EYA2: variants seen among roughly 807,000 people sequenced by gnomAD.
EYA2 encodes protein phosphatase EYA2.
In EYA2, 31 loss-of-function variants were observed where a neutral mutation model predicts 69.2. That is an observed-to-expected ratio of 0.45 (90% CI 0.34 to 0.60). The LOEUF (loss-of-function observed/expected upper bound fraction) is 0.60, where lower values mean the gene tolerates loss of function less well. Ranked by LOEUF, EYA2 falls within the 20% of genes least tolerant of loss-of-function variation. EYA2 has a pLI of 0.02. For missense variants in EYA2, 622 were observed against 701.2 expected, an observed-to-expected ratio of 0.89 and a Z score of 1.28; for synonymous variants, 257 against 279.4, an observed-to-expected ratio of 0.92 and a Z score of 0.80.
rs193224504 is a variant in EYA2, at chr20:47,012,784, G to A, written c.299-3397G>A. ...GCTGGGATTACAGGCGTGAGCCACC[G>A]TACTGGGCCAAATTAAAATGTTTTA... On this transcript the variant is annotated intron_variant, in intron 4 of 15. Transcript: ENST00000327619. Among the ~76,000 whole-genome samples the A allele has an allele frequency of 7.9e-5, 12 of 152,274 alleles. No individual in the cohort carries two copies. The East Asian group carries it at 9.7e-4, about 12-fold the overall frequency.
intron 9 of EYA2, among the ~76,000 whole-genome samples, chr20:47,126,243 A>G (rs2033188583): frequency 1.3e-5 from 2 of 152,340 alleles, no homozygotes; most frequent in Non-Finnish European, 2.9e-5. Context: ...GGGGCAGCCC[A>G]GTGCAAATGC....
intron 10 of EYA2, among the ~76,000 whole-genome samples, chr20:47,152,290 C>T (rs149231370): frequency 7.9e-5 from 12 of 152,052 alleles, no homozygotes; most frequent in East Asian, 2.0e-4. Context: ...TATTCCTCCA[C>T]GCTGTACACA....
intron 5 of EYA2, among the ~76,000 whole-genome samples, chr20:47,051,364 C>G (rs1204440666): frequency 6.6e-6 from 1 of 152,168 alleles, no homozygotes; most frequent in East Asian, 1.9e-4. Flanking sequence ...GGATTTTTAG[C>G]TGGGTTAAGT....
intron 1 of EYA2, among the ~76,000 whole-genome samples, chr20:46,947,089 A>G (rs1978503906): frequency 6.6e-6 from 1 of 152,142 alleles, no homozygotes; most frequent in African/African-American, 2.4e-5. Context: ...AGCCTAAAAT[A>G]TTTCCCATCT....
rs1240478022 is a variant in EYA2, at chr20:47,001,348, A to G, written c.110-80A>G. The G allele has an allele frequency of 4.9e-6, 6 of 1,226,488 alleles. No homozygotes were observed. The African/African-American group carries it at 7.4e-5, about 15-fold the overall frequency. The allele number at this position is 1,226,488 out of a possible 1,614,324, so 76.0% of individuals were successfully genotyped here. On this transcript the variant is annotated intron_variant, in intron 2 of 15. Coordinates refer to ENST00000327619, the MANE Select transcript of EYA2 (RefSeq NM_005244.5). The stretch of plus-strand genomic sequence containing the variant: ...ACCCCTCCAAGTCTGCTCCTGCTTA[A>G]GTGGTGTCTGAAGTCACCACCTCTG...
rs536133998 is a variant in EYA2, at chr20:47,160,289, A to G, written c.979-8850A>G. 1.1e-4 allele frequency among the ~76,000 whole-genome samples: 16 copies of G among 152,320 alleles called. No homozygotes were observed. The South Asian group carries it at 2.7e-3, about 26-fold the overall frequency. ...GTAAATATTTTTGGCTTTGCACATC[A>G]TAGTGGACCTGTCTCAGCTACTCAG... is the stretch of plus-strand genomic sequence containing the variant. On this transcript the variant is annotated intron_variant, in intron 10 of 15. Transcript: ENST00000327619.
intron 1 of EYA2, among the ~76,000 whole-genome samples, chr20:46,962,511 C>G (rs1435964839): frequency 6.6e-6 from 1 of 152,014 alleles, no homozygotes; most frequent in Non-Finnish European, 1.5e-5. Flanking sequence ...CACATAGGCC[C>G]AGGTGCCTGC....
intron 6 of EYA2, among the ~76,000 whole-genome samples, chr20:47,073,767 C>G (rs1568760735): frequency 1.3e-5 from 2 of 152,018 alleles, no homozygotes; most frequent in Admixed American, 1.3e-4. Flanking sequence ...CCCCTGGGTG[C>G]AGCTCTCAAA....
At chr20:47,002,198 T>C (rs900754176) in intron 3 of EYA2, among the ~76,000 whole-genome samples, 2 of 151,442 alleles carry the variant, frequency 1.3e-5, no homozygotes, top group African/African-American at 4.8e-5. Flanking sequence ...CCTTTCATCA[T>C]TTCTTTACTT....
At chr20:47,035,232 A>T (rs899088210) in intron 5 of EYA2, among the ~76,000 whole-genome samples, 1 of 152,148 alleles carries the variant, frequency 6.6e-6, no homozygotes. Context: ...TCGGTCAAGG[A>T]TCCTGCTGCT....
intron 5 of EYA2, among the ~76,000 whole-genome samples, chr20:47,027,443 G>T (rs1173550029): frequency 6.6e-6 from 1 of 152,194 alleles, no homozygotes; most frequent in Non-Finnish European, 1.5e-5. Flanking sequence ...TCTCGCCCCT[G>T]TGCAACACCT....
At chr20:46,939,961 G>T (rs1394116637) in intron 1 of EYA2, among the ~76,000 whole-genome samples, 1 of 152,112 alleles carries the variant, frequency 6.6e-6, no homozygotes, top group East Asian at 1.9e-4. Context: ...TTAAGCATAG[G>T]GACAGTACTG....
chr20:46,936,417 G>A (rs1452981045), intron 1 of EYA2, among the ~76,000 whole-genome samples: 2 of 152,168 alleles, frequency 1.3e-5, no homozygotes, highest in African/African-American at 2.4e-5. Context: ...GTTGCAGTGG[G>A]CCAACATCAC....
rs537846923 is a variant in EYA2 at position 46,896,122 on chromosome 20, A to G, written c.-11+1135A>G. ...ACGAGGTGCAGTGGAAGAGCTGAAC[A>G]TTGGAATCTAGCTGTTAGCGAGGGC... On this transcript the variant is annotated intron_variant, in intron 1 of 15. Coordinates refer to ENST00000327619, the MANE Select transcript of EYA2 (RefSeq NM_005244.5). 2.6e-5 allele frequency among the ~76,000 whole-genome samples: 4 copies of G among 152,298 alleles called. No homozygotes were observed. In the South Asian group the frequency reaches 8.3e-4, roughly 32 times the overall value.
At chr20:47,112,246 G>GA (rs1470397141) in intron 9 of EYA2, among the ~76,000 whole-genome samples, 9 of 152,250 alleles carry the variant, frequency 5.9e-5, no homozygotes, top group African/African-American at 2.2e-4. Flanking sequence ...CCCATAGTGG[G>GA]ATCAAATAAT....
chr20:46,973,449 A>G (rs1980261539), intron 1 of EYA2, among the ~76,000 whole-genome samples: 2 of 152,232 alleles, frequency 1.3e-5, no homozygotes, highest in South Asian at 4.1e-4. Context: ...AGGCATGTTG[A>G]GACAATTGGG....
chr20:47,114,977 T>C (rs2032850963), intron 9 of EYA2, among the ~76,000 whole-genome samples: 3 of 152,270 alleles, frequency 2.0e-5, no homozygotes. Flanking sequence ...GCTGTGCTTA[T>C]ACAGCCTGCA....
intron 3 of EYA2, among the ~76,000 whole-genome samples, chr20:47,003,130 G>C (rs995627532): frequency 1.3e-5 from 2 of 152,198 alleles, no homozygotes; most frequent in Non-Finnish European, 2.9e-5. Flanking sequence ...TGTGGTGTCT[G>C]GGGGAGGGTG....
intron 5 of EYA2, among the ~76,000 whole-genome samples, chr20:47,028,613 T>C (rs1051481868): frequency 2.0e-5 from 3 of 152,130 alleles, no homozygotes; most frequent in African/African-American, 7.2e-5. Flanking sequence ...ACAAATACAG[T>C]CCCTGCCCCC....
Sources: allele counts gnomAD v4.1 joint callset (sites outside exome capture counted in the v4.1 genomes callset), GRCh38; gene constraint gnomAD v4.1.1; transcripts MANE v1.5; gene names NCBI Gene and HGNC (gene_info 2026-07-23, HGNC 2026-07-21).